BNC2: variants seen among roughly 807,000 people sequenced by gnomAD.
The protein encoded by BNC2 is zinc finger protein basonuclin-2.
In BNC2, 20 loss-of-function variants were observed where a neutral mutation model predicts 76.3. That is an observed-to-expected ratio of 0.26 (90% CI 0.18 to 0.38). The LOEUF (loss-of-function observed/expected upper bound fraction) is 0.38. Among genes scored for constraint, BNC2 ranks in the 10% least tolerant of loss-of-function variants. The probability of loss-of-function intolerance (pLI) is 1.00; values close to 1 mark genes in which losing one functional copy is unlikely to be tolerated. For synonymous variants in BNC2, 582 were observed against 514.8 expected, an observed-to-expected ratio of 1.13 and a Z score of -1.77; for missense variants, 1,382 against 1,399.8, an observed-to-expected ratio of 0.99 and a Z score of 0.20.
intron 1 of BNC2, among the ~76,000 whole-genome samples, chr9:16,801,337 CT>C (rs527602278): frequency 9.9e-4 from 150 of 152,278 alleles, no homozygotes; most frequent in African/African-American, 3.4e-3. Context: ...CCTCTGCCCC[CT>C]GGGTTCAAGT....
intron 1 of BNC2, among the ~76,000 whole-genome samples, chr9:16,787,241 C>G (rs553773931): frequency 6.6e-6 from 1 of 152,332 alleles, no homozygotes; most frequent in East Asian, 1.9e-4. Context: ...AGTTCTCCCT[C>G]CATCCACCAT....
At chr9:16,726,901 C>G (rs529881088) in intron 3 of BNC2, 2 of 152,446 alleles carry the variant, frequency 1.3e-5, no homozygotes, top group South Asian at 4.1e-4. Flanking sequence ...AGCCAAGGAG[C>G]CAGCAATTGT....
chr9:16,617,054 G>C (rs895663534), intron 3 of BNC2, among the ~76,000 whole-genome samples: 6 of 152,168 alleles, frequency 3.9e-5, no homozygotes, highest in Non-Finnish European at 8.8e-5. Context: ...TTAAATCACA[G>C]TGTTGGCAAT....
chr9:16,573,237 A>C (rs966518869), intron 4 of BNC2, among the ~76,000 whole-genome samples: 2 of 104,526 alleles, frequency 1.9e-5, no homozygotes, highest in East Asian at 2.0e-4. Flanking sequence ...AAAAAAAAAA[A>C]CAGAAAAAGA....
chr9:16,764,809 T>C (rs2135409237), intron 1 of BNC2, among the ~76,000 whole-genome samples: 1 of 151,934 alleles, frequency 6.6e-6, no homozygotes, highest in Middle Eastern at 3.4e-3. Context: ...GTAGCTAAAT[T>C]TGATAAACTG....
intron 2 of BNC2, among the ~76,000 whole-genome samples, chr9:16,737,865 G>A (rs554930073): frequency 6.6e-6 from 1 of 152,084 alleles, no homozygotes; most frequent in Non-Finnish European, 1.5e-5. Flanking sequence ...GGTTCAGGTA[G>A]TGTTATGTAT....
At chr9:16,830,788 G>A (rs1470833391) in intron 1 of BNC2, among the ~76,000 whole-genome samples, 1 of 152,188 alleles carries the variant, frequency 6.6e-6, no homozygotes, top group Non-Finnish European at 1.5e-5. Flanking sequence ...TTTGAGAGCA[G>A]GAAATGGAAG....
At chr9:16,667,124 C>T (rs1012790655) in intron 3 of BNC2, among the ~76,000 whole-genome samples, 1 of 151,796 alleles carries the variant, frequency 6.6e-6, no homozygotes, top group Admixed American at 6.6e-5. Context: ...CACGCACACA[C>T]GCCGATGTTA....
At chr9:16,489,837 C>T (rs957527401) in intron 5 of BNC2, among the ~76,000 whole-genome samples, 4 of 152,176 alleles carry the variant, frequency 2.6e-5, no homozygotes, top group East Asian at 1.9e-4. Context: ...GTTAACAAAA[C>T]TTGAGGAGGC....
At chr9:16,696,184 T>C (rs73646155) in intron 3 of BNC2, among the ~76,000 whole-genome samples, 141 of 152,254 alleles carry the variant, frequency 9.3e-4, no homozygotes, top group African/African-American at 3.0e-3. Flanking sequence ...ACCCCTCCAA[T>C]TGTCGAACAC....
intron 3 of BNC2, among the ~76,000 whole-genome samples, chr9:16,635,506 G>A (rs1484647812): frequency 6.6e-6 from 1 of 151,998 alleles, no homozygotes; most frequent in East Asian, 1.9e-4. Context: ...AATAAATGTG[G>A]TCTGGTGTTT....
chr9:16,436,452 T>C lies in BNC2; in HGVS notation c.1742A>G (p.Glu581Gly), dbSNP rs1279480581. 1 of 1,613,940 alleles carries C rather than the reference T, an allele frequency of 6.2e-7. No homozygotes were observed. The highest frequency in any genetic ancestry group is 8.5e-7 in the Non-Finnish European group (1 of 1,179,990). Residue 581 changes from glutamate to glycine, a missense_variant, in exon 6 of 7, where the codon GAA becomes GGA. Transcript: ENST00000380672. Reference sequence around the variant, plus strand: ...GAGGGAGGTTGGAGGACTCACCATTTCCCCTGGAGTGAGTAAACTTCTATA... The same window carrying C: ...GAGGGAGGTTGGAGGACTCACCATTCCCCCTGGAGTGAGTAAACTTCTATA... ...PFYRSLLTPG[E>G]MVSPPTSLPT...
At chr9:16,760,930 T>C (rs754864002) in intron 1 of BNC2, among the ~76,000 whole-genome samples, 49 of 152,102 alleles carry the variant, frequency 3.2e-4, no homozygotes, top group Non-Finnish European at 6.3e-4. Context: ...AGAAGTTCTG[T>C]TATCCCTTAT....
At chr9:16,858,610 C>T (rs1322915235) in intron 1 of BNC2, among the ~76,000 whole-genome samples, 2 of 151,930 alleles carry the variant, frequency 1.3e-5, no homozygotes, top group Admixed American at 6.6e-5. Flanking sequence ...TTTGGGAGGC[C>T]GAGGCGGGTG....
At chr9:16,499,532 T>C (rs35039523) in intron 5 of BNC2, among the ~76,000 whole-genome samples, 20,999 of 128,470 alleles carry the variant, frequency 0.16, 1,063 homozygotes, top group African/African-American at 0.28. Context: ...TTTTTTTTCT[T>C]TTTTTTTTTT....
Position 16,436,584 on chromosome 9 carries a change from G to A in BNC2, c.1610C>T (p.Pro537Leu), listed in dbSNP as rs1821022196. Residue 537 changes from proline to leucine, a missense_variant, in exon 6 of 7, where the codon CCC (proline) becomes CTC (leucine). Physicochemically the swap from Pro to Leu is moderately conservative, Grantham distance 98. Coordinates refer to ENST00000380672, the MANE Select transcript of BNC2 (RefSeq NM_017637.6). ...AGGGGGAGTGGTAAAACCCATTGGG[G>A]GTCGGCCAGGGCTTGTGAGTGCCAG... is the stretch of plus-strand genomic sequence containing the variant. The part of the protein sequence containing the change: ...SNLALTSPGR[P>L]PMGFTTPPLD... 1 of 1,614,106 alleles carries A rather than the reference G, an allele frequency of 6.2e-7. No homozygotes were observed. Among genetic ancestry groups the A allele is most frequent in the Non-Finnish European group, 8.5e-7 (1 of 1,180,026 alleles).
chr9:16,562,223 G>A (rs903484575), intron 4 of BNC2, among the ~76,000 whole-genome samples: 1 of 152,162 alleles, frequency 6.6e-6, no homozygotes, highest in African/African-American at 2.4e-5. Context: ...TCCTATGGGA[G>A]CAAAGCATGA....
At chr9:16,675,055 T>A (rs1378977655) in intron 3 of BNC2, among the ~76,000 whole-genome samples, 1 of 152,346 alleles carries the variant, frequency 6.6e-6, no homozygotes, top group East Asian at 1.9e-4. Context: ...AGCATCAAGC[T>A]AGCACATTTC....
At chr9:16,429,071 C>T (rs1820855967) in intron 6 of BNC2, among the ~76,000 whole-genome samples, 1 of 152,168 alleles carries the variant, frequency 6.6e-6, no homozygotes, top group South Asian at 2.1e-4. Context: ...CAAGGACAAG[C>T]TTCTTTCCAA....
Sources: gnomAD v4.1 joint callset for allele counts (sites outside exome capture counted in the v4.1 genomes callset) on GRCh38, gnomAD v4.1.1 for gene constraint, MANE v1.5 for transcripts, NCBI Gene and HGNC (gene_info 2026-07-23, HGNC 2026-07-21) for gene names.